ITSN1: variants seen among roughly 807,000 people sequenced by gnomAD.
The protein encoded by ITSN1 is intersectin 1.
ITSN1 carries 58 observed loss-of-function variants against 239.8 expected under a neutral mutation model. The ratio of observed to expected loss-of-function variants is 0.24; its 90% CI spans 0.20 to 0.30. The LOEUF is 0.30. Among genes scored for constraint, ITSN1 ranks in the 10% least tolerant of loss-of-function variants. The probability of loss-of-function intolerance (pLI) is 1.00; values close to 1 mark genes in which losing one functional copy is unlikely to be tolerated. For synonymous variants in ITSN1, 780 were observed against 770.8 expected (o/e 1.01, Z -0.20); for missense variants, 1,558 against 2,103.3 (o/e 0.74, Z 5.07).
intron 20 of ITSN1, among the ~76,000 whole-genome samples, chr21:33,807,351 AG>A (rs1293732339): frequency 1.3e-5 from 2 of 152,140 alleles, no homozygotes; most frequent in African/African-American, 4.8e-5. Context: ...GTCGCATTCC[AG>A]ATGTCCACCA....
chr21:33,819,748 C>T (rs1023792621), intron 24 of ITSN1, among the ~76,000 whole-genome samples: 2 of 151,336 alleles, frequency 1.3e-5, no homozygotes, highest in Non-Finnish European at 1.5e-5. Context: ...TTTGGGAGGC[C>T]GAGGCGGGTG....
intron 29 of ITSN1, chr21:33,838,052 C>G: frequency 1.0e-6 from 1 of 985,736 alleles, no homozygotes; most frequent in Non-Finnish European, 1.2e-6. Flanking sequence ...CATTTTTTAA[C>G]TAGACTGTGG....
intron 19 of ITSN1, among the ~76,000 whole-genome samples, chr21:33,801,188 C>T (rs796446303): frequency 1.1e-4 from 17 of 152,254 alleles, no homozygotes; most frequent in African/African-American, 3.9e-4. Context: ...TTGTAAAGAA[C>T]TGTGAAAGTT....
intron 8 of ITSN1, among the ~76,000 whole-genome samples, chr21:33,760,505 C>T (rs539099255): frequency 2.0e-5 from 3 of 152,232 alleles, no homozygotes; most frequent in Admixed American, 2.0e-4. Context: ...AGTAATGTTA[C>T]CTGCCATTAG....
chr21:33,713,994 C>G (rs994155429), intron 1 of ITSN1, among the ~76,000 whole-genome samples: 1 of 151,968 alleles, frequency 6.6e-6, no homozygotes, highest in African/African-American at 2.4e-5. Flanking sequence ...GCCACCACAC[C>G]GGGCTAATTT....
chr21:33,829,603 G>A (rs369385568), intron 26 of ITSN1, 21 bp from the exon 27 acceptor site: 523 of 1,611,610 alleles, frequency 3.2e-4, no homozygotes, highest in Non-Finnish European at 4.2e-4. Context: ...GTGCACTGCC[G>A]TGTTTGATCT....
At position 33,767,799 on chromosome 21, in the gene ITSN1, A is replaced by T. The variant is rs967588148; in HGVS notation, c.1013A>T (p.Glu338Val). The T allele has an allele frequency of 1.9e-6, 3 of 1,608,698 alleles. No individual in the cohort carries two copies. Among genetic ancestry groups the T allele is most frequent in the Admixed American group, 1.7e-5 (1 of 59,950 alleles). ...RLPEEPVLED[E>V]QQQLEKKLPV... ...CCAGAGGAACCAGTTTTAGAAGATG[A>T]ACAACAACAATTAGAAAAGAAATTA... The change falls in exon 11 of 40, where the codon GAA (glutamate) becomes GTA (valine). Residue 338 changes from glutamate (E) to valine (V), a missense_variant. Around this residue, in one of 2 missense-constraint regions of ITSN1, gnomAD observed 982 missense variants for 1,209.9 expected, o/e 0.81. Coordinates refer to ENST00000381318, the MANE Select transcript of ITSN1 (RefSeq NM_003024.3).
intron 2 of ITSN1, among the ~76,000 whole-genome samples, chr21:33,719,395 C>T (rs193253062): frequency 1.2e-3 from 187 of 152,260 alleles, no homozygotes; most frequent in African/African-American, 4.4e-3. Context: ...GAGCCGAGGT[C>T]GCACCACTGC....
chr21:33,675,579 A>G (rs1027417096), intron 1 of ITSN1, among the ~76,000 whole-genome samples: 14 of 152,174 alleles, frequency 9.2e-5, no homozygotes, highest in Non-Finnish European at 1.6e-4. Flanking sequence ...AAAATAAAAA[A>G]TAAAGAATAA....
chr21:33,668,355 A>G (rs1343691531), intron 1 of ITSN1, among the ~76,000 whole-genome samples: 1 of 152,216 alleles, frequency 6.6e-6, no homozygotes, highest in African/African-American at 2.4e-5. Flanking sequence ...CCCCCAAGGC[A>G]TGTCATCACT....
intron 2 of ITSN1, among the ~76,000 whole-genome samples, chr21:33,719,557 T>TTATG (rs1249944536): frequency 6.6e-6 from 1 of 152,258 alleles, no homozygotes; most frequent in Non-Finnish European, 1.5e-5. Flanking sequence ...ACATTTCTTG[T>TTATG]TATGGTTTGT....
chr21:33,811,155 G>T lies in ITSN1; in HGVS notation c.2500G>T (p.Ala834Ser), dbSNP rs765293456. 1 of 1,573,118 alleles carries T rather than the reference G, an allele frequency of 6.4e-7. No homozygotes were observed. The highest frequency in any genetic ancestry group is 8.6e-7 in the Non-Finnish European group (1 of 1,165,544). ...CAAACTGGCCTTGCGTGAGACCCCCGCCCCTTTGGCAGTAACCTCTTCAGA... is the reference window on the plus strand; with the variant it reads ...CAAACTGGCCTTGCGTGAGACCCCCTCCCCTTTGGCAGTAACCTCTTCAGA... ...APKLALRETP[A>S]PLAVTSSEPS... Residue 834 changes from alanine (A) to serine (S), a missense_variant, in exon 21 of 40, where the codon GCC (alanine) becomes TCC (serine). Ala to Ser is a moderately conservative substitution (Grantham distance 99). Coordinates refer to ENST00000381318, the MANE Select transcript of ITSN1 (RefSeq NM_003024.3).
intron 29 of ITSN1, among the ~76,000 whole-genome samples, chr21:33,839,059 T>C (rs986725898): frequency 2.0e-5 from 3 of 152,210 alleles, no homozygotes; most frequent in Non-Finnish European, 4.4e-5. Context: ...CTCCTGCCAT[T>C]CAGTGGAAAA....
At position 33,896,189 on chromosome 21, in the gene ITSN1, G is replaced by GC. The variant is rs1329684876; in HGVS notation, c.*7890dup. 6.6e-6 allele frequency: 1 copy of GC among 152,346 alleles called. No homozygotes were observed. Among genetic ancestry groups the GC allele is most frequent in the Non-Finnish European group, 1.5e-5 (1 of 68,128 alleles). The allele number at this position is 152,346 out of a possible 1,614,324, so 9.4% of individuals were successfully genotyped here. ...TGTGGAACCGAGCCCCTAGTTCACA[G>GC]CTGTACCCCAAGGCTGGAGAGGGGG... On this transcript the variant is annotated 3_prime_UTR_variant, in exon 40 of 40. Coordinates refer to ENST00000381318, the MANE Select transcript of ITSN1 (RefSeq NM_003024.3).
intron 1 of ITSN1, among the ~76,000 whole-genome samples, chr21:33,697,003 G>A (rs1468240702): frequency 6.6e-6 from 1 of 151,264 alleles, no homozygotes; most frequent in Admixed American, 6.6e-5. Context: ...TTATTTTAAT[G>A]TTTTCCTTTA....
intron 29 of ITSN1, 97 bp downstream of exon 29, chr21:33,836,729 T>G: frequency 9.5e-7 from 1 of 1,048,734 alleles, no homozygotes; most frequent in African/African-American, 1.6e-5. Context: ...TTTGCAGAAC[T>G]TAAAGCTAGA....
At chr21:33,718,998 A>G (rs1569015367) in intron 2 of ITSN1, 142 bp downstream of exon 2, 6 of 682,276 alleles carry the variant, frequency 8.8e-6, no homozygotes, top group African/African-American at 3.6e-5. Context: ...TTCATTAATT[A>G]TCAACTCATG....
intron 5 of ITSN1, among the ~76,000 whole-genome samples, chr21:33,745,127 C>G (rs894369126): frequency 1.6e-4 from 24 of 152,322 alleles, no homozygotes; most frequent in Admixed American, 1.6e-3. Flanking sequence ...CACAAAAAGA[C>G]AGCTACATTT....
intron 29 of ITSN1, among the ~76,000 whole-genome samples, chr21:33,850,408 C>T (rs1331675807): frequency 6.6e-6 from 1 of 152,148 alleles, no homozygotes; most frequent in East Asian, 1.9e-4. Flanking sequence ...CACCTCTGTG[C>T]CCACCGGCTT....
Sources: gnomAD v4.1 joint callset for allele counts (sites outside exome capture counted in the v4.1 genomes callset) on GRCh38, gnomAD v4.1.1 for gene constraint, gnomAD v4.1.1 regional missense constraint, MANE v1.5 for transcripts, NCBI Gene and HGNC (gene_info 2026-07-23, HGNC 2026-07-21) for gene names.